TNFRSF19: variants seen among roughly 807,000 people sequenced by gnomAD.
The protein encoded by TNFRSF19 is tumor necrosis factor receptor superfamily member 19.
In TNFRSF19, 27 loss-of-function variants were observed where a neutral mutation model predicts 46.4. The ratio of observed to expected loss-of-function variants is 0.58; its 90% CI spans 0.43 to 0.80. TNFRSF19 has a LOEUF of 0.80. Among genes scored for constraint, TNFRSF19 ranks in the 30% least tolerant of loss-of-function variants. TNFRSF19 has a pLI of 0.00. For missense variants in TNFRSF19, 511 were observed against 530.8 expected, an observed-to-expected ratio of 0.96 and a Z score of 0.37; for synonymous variants, 204 against 205.0, an observed-to-expected ratio of 1.00 and a Z score of 0.04.
chr13:23,666,289 G>A lies in TNFRSF19; in HGVS notation c.737-1691G>A, dbSNP rs115591638. Among the ~76,000 whole-genome samples the A allele has an allele frequency of 6.8e-3, 1,038 of 152,304 alleles. 16 individuals carry two copies. The highest frequency in any genetic ancestry group is 0.024 in the African/African-American group (988 of 41,564). ...CCAAACTTTCACCCTGTAGCTTAGCGTGCTCTGATGATTTGTACTGGAATC... is the reference window on the plus strand; with the variant it reads ...CCAAACTTTCACCCTGTAGCTTAGCATGCTCTGATGATTTGTACTGGAATC... On this transcript the variant is annotated intron_variant, in intron 7 of 9. Transcript: ENST00000248484.
intron 3 of TNFRSF19, among the ~76,000 whole-genome samples, chr13:23,606,537 A>G (rs564730675): frequency 1.3e-5 from 2 of 152,338 alleles, no homozygotes; most frequent in African/African-American, 2.4e-5. Flanking sequence ...CCCTGTATCT[A>G]CAGAGCACCC....
At chr13:23,594,678 G>A (rs1879574577) in intron 3 of TNFRSF19, among the ~76,000 whole-genome samples, 1 of 152,214 alleles carries the variant, frequency 6.6e-6, no homozygotes, top group Non-Finnish European at 1.5e-5. Flanking sequence ...GGGTGGCTGT[G>A]GGTGCAGCTT....
At chr13:23,645,558 A>G (rs1469996748) in intron 5 of TNFRSF19, among the ~76,000 whole-genome samples, 1 of 152,122 alleles carries the variant, frequency 6.6e-6, no homozygotes, top group African/African-American at 2.4e-5. Context: ...GCCTTGGTTT[A>G]TTTATGTGTT....
At chr13:23,605,020 A>G (rs1307914932) in intron 3 of TNFRSF19, among the ~76,000 whole-genome samples, 1 of 152,230 alleles carries the variant, frequency 6.6e-6, no homozygotes, top group Non-Finnish European at 1.5e-5. Context: ...TGTTGAGAGA[A>G]TGGAAATACA....
intron 4 of TNFRSF19, among the ~76,000 whole-genome samples, chr13:23,619,746 G>T (rs1881532588): frequency 6.6e-6 from 1 of 152,180 alleles, no homozygotes; most frequent in South Asian, 2.1e-4. Flanking sequence ...CTCTACATCT[G>T]GAGGTAGAGA....
intron 5 of TNFRSF19, among the ~76,000 whole-genome samples, chr13:23,636,864 T>C (rs1421947904): frequency 6.6e-6 from 1 of 152,224 alleles, no homozygotes; most frequent in African/African-American, 2.4e-5. Context: ...GCACAGTAGA[T>C]GTATGTGCTT....
intron 2 of TNFRSF19, among the ~76,000 whole-genome samples, chr13:23,592,416 CT>C (rs1190580128): frequency 6.6e-6 from 1 of 152,148 alleles, no homozygotes; most frequent in Admixed American, 6.5e-5. Flanking sequence ...GATAAACATA[CT>C]TTTCTAGGAT....
At chr13:23,648,290 A>G (rs1056181175) in intron 5 of TNFRSF19, among the ~76,000 whole-genome samples, 6 of 152,148 alleles carry the variant, frequency 3.9e-5, no homozygotes, top group Non-Finnish European at 7.4e-5. Flanking sequence ...TTTTGAGTGT[A>G]CAAGTCTTGT....
chr13:23,605,046 G>A (rs1880418865), intron 3 of TNFRSF19, among the ~76,000 whole-genome samples: 1 of 152,086 alleles, frequency 6.6e-6, no homozygotes, highest in Non-Finnish European at 1.5e-5. Context: ...GAAATTGGTG[G>A]AAAACATTTG....
intron 1 of TNFRSF19, among the ~76,000 whole-genome samples, chr13:23,577,109 A>G (rs1878012241): frequency 6.6e-6 from 1 of 152,258 alleles, no homozygotes; most frequent in Non-Finnish European, 1.5e-5. Flanking sequence ...AGAACCAGAA[A>G]CTTAGAGAGG....
chr13:23,658,335 A>G (rs1884117572), intron 5 of TNFRSF19, among the ~76,000 whole-genome samples: 1 of 152,176 alleles, frequency 6.6e-6, no homozygotes, highest in Admixed American at 6.5e-5. Context: ...CAGTGTCTCA[A>G]GGTCACACAG....
intron 5 of TNFRSF19, among the ~76,000 whole-genome samples, chr13:23,656,867 G>A (rs936114507): frequency 6.6e-6 from 1 of 152,098 alleles, no homozygotes; most frequent in Admixed American, 6.6e-5. Context: ...TGCATTTTCA[G>A]TGTTTGCACA....
chr13:23,669,636 G>T (rs1951722296), intron 9 of TNFRSF19: 1 of 985,138 alleles, frequency 1.0e-6, no homozygotes, highest in African/African-American at 1.7e-5. Flanking sequence ...TGTGACCTGA[G>T]ACCAGGTCAT....
intron 3 of TNFRSF19, among the ~76,000 whole-genome samples, chr13:23,602,935 A>G (rs948615590): frequency 6.6e-6 from 1 of 152,078 alleles, no homozygotes; most frequent in South Asian, 2.1e-4. Context: ...CTTATACCTT[A>G]TAAAACTAGA....
intron 7 of TNFRSF19, among the ~76,000 whole-genome samples, chr13:23,665,343 A>G (rs1951609874): frequency 6.6e-6 from 1 of 152,220 alleles, no homozygotes; most frequent in South Asian, 2.1e-4. Context: ...AAGATTAAAT[A>G]TACAGATGGC....
At chr13:23,632,507 G>T (rs1882415690) in intron 5 of TNFRSF19, among the ~76,000 whole-genome samples, 1 of 152,186 alleles carries the variant, frequency 6.6e-6, no homozygotes. Flanking sequence ...CCCATTTATG[G>T]TTGGTTTAAG....
chr13:23,664,585 G>A (rs190306834), intron 7 of TNFRSF19, among the ~76,000 whole-genome samples: 8 of 152,212 alleles, frequency 5.3e-5, no homozygotes, highest in African/African-American at 1.7e-4. Context: ...GCACCATTTT[G>A]TCTAATAACC....
At chr13:23,635,910 T>C (rs1322544896) in intron 5 of TNFRSF19, among the ~76,000 whole-genome samples, 1 of 152,244 alleles carries the variant, frequency 6.6e-6, no homozygotes, top group East Asian at 1.9e-4. Flanking sequence ...TCATTTTAAA[T>C]GTAAAATTCA....
intron 3 of TNFRSF19, among the ~76,000 whole-genome samples, chr13:23,614,742 A>AATATATATATATATAT (rs1881143387): frequency 2.7e-5 from 2 of 75,278 alleles, no homozygotes; most frequent in East Asian, 7.2e-4. Context: ...GTGGATAAGT[A>AATATATATATATATAT]ATACATATAT....
Sources: allele counts gnomAD v4.1 joint callset (sites outside exome capture counted in the v4.1 genomes callset), GRCh38; gene constraint gnomAD v4.1.1; transcripts MANE v1.5; gene names NCBI Gene and HGNC (gene_info 2026-07-23, HGNC 2026-07-21).